The following HS6ST3 variants were observed in gnomAD, a reference collection of about 807,000 sequenced individuals.
HS6ST3 encodes the protein heparan-sulfate 6-O-sulfotransferase 3.
In HS6ST3, 12 loss-of-function variants were observed where a neutral mutation model predicts 36.7. That is an observed-to-expected ratio of 0.33 (90% confidence interval 0.21 to 0.53). The LOEUF (loss-of-function observed/expected upper bound fraction) is 0.53, where lower values mean the gene tolerates loss of function less well. Ranked by LOEUF, HS6ST3 falls within the 20% of genes least tolerant of loss-of-function variation. The probability of loss-of-function intolerance (pLI) is 0.95; values close to 1 mark genes in which losing one functional copy is unlikely to be tolerated. For synonymous variants in HS6ST3, 240 were observed against 257.5 expected (o/e 0.93, Z 0.65); for missense variants, 584 against 640.9 (o/e 0.91, Z 0.96).
chr13:96,586,099 T>G (rs1419050600), intron 1 of HS6ST3, among the ~76,000 whole-genome samples: 1 of 152,220 alleles, frequency 6.6e-6, no homozygotes, highest in Non-Finnish European at 1.5e-5. Flanking sequence ...TTTGTCTTTT[T>G]GATAACAGTC....
chr13:96,511,725 T>C (rs1174745411), intron 1 of HS6ST3, among the ~76,000 whole-genome samples: 1 of 152,072 alleles, frequency 6.6e-6, no homozygotes, highest in East Asian at 1.9e-4. Context: ...CAGAATTTTT[T>C]AATTTAATCA....
At chr13:96,627,319 A>G (rs549068117) in intron 1 of HS6ST3, among the ~76,000 whole-genome samples, 9 of 152,150 alleles carry the variant, frequency 5.9e-5, no homozygotes, top group African/African-American at 2.2e-4. Context: ...TTTTGAAATG[A>G]TAAGTTAGAG....
At chr13:96,644,938 G>A (rs78221950) in intron 1 of HS6ST3, among the ~76,000 whole-genome samples, 1,851 of 151,988 alleles carry the variant, frequency 0.012, 32 homozygotes, top group African/African-American at 0.042. Flanking sequence ...TTTTTCTTAG[G>A]TGGGAGAAAT....
chr13:96,634,766 C>G (rs1438809934), intron 1 of HS6ST3, among the ~76,000 whole-genome samples: 7 of 152,256 alleles, frequency 4.6e-5, no homozygotes, highest in African/African-American at 1.7e-4. Flanking sequence ...TGCTTCCCAC[C>G]ACCCACTAAA....
intron 1 of HS6ST3, among the ~76,000 whole-genome samples, chr13:96,451,399 A>G (rs1715442720): frequency 6.6e-6 from 1 of 152,188 alleles, no homozygotes; most frequent in Non-Finnish European, 1.5e-5. Context: ...CATGTTATCC[A>G]ATCTTGAGTG....
intron 1 of HS6ST3, among the ~76,000 whole-genome samples, chr13:96,769,354 G>A (rs1354267185): frequency 6.6e-6 from 1 of 151,462 alleles, no homozygotes; most frequent in Non-Finnish European, 1.5e-5. Flanking sequence ...GTGCAGGTTG[G>A]TTACATATGT....
chr13:96,513,177 C>A (rs902909395), intron 1 of HS6ST3, among the ~76,000 whole-genome samples: 4 of 152,090 alleles, frequency 2.6e-5, no homozygotes, highest in Non-Finnish European at 4.4e-5. Context: ...TCCCCCTCCC[C>A]CCTTTACTGG....
intron 1 of HS6ST3, among the ~76,000 whole-genome samples, chr13:96,104,814 C>T (rs1329746309): frequency 6.6e-6 from 1 of 152,174 alleles, no homozygotes; most frequent in Non-Finnish European, 1.5e-5. Context: ...TGACTGACCC[C>T]TGTGCTTCCC....
At chr13:96,464,029 T>G (rs1159315785) in intron 1 of HS6ST3, among the ~76,000 whole-genome samples, 3 of 139,426 alleles carry the variant, frequency 2.2e-5, no homozygotes, top group Middle Eastern at 3.7e-3. Context: ...GTTTTTTTTT[T>G]TTTTTTTTTT....
At chr13:96,443,487 G>T (rs938607331) in intron 1 of HS6ST3, among the ~76,000 whole-genome samples, 4 of 131,924 alleles carry the variant, frequency 3.0e-5, no homozygotes, top group Non-Finnish European at 6.1e-5. Flanking sequence ...CCGAGATCAC[G>T]CCACTGCACT....
intron 1 of HS6ST3, among the ~76,000 whole-genome samples, chr13:96,643,577 C>T (rs2056577894): frequency 6.6e-6 from 1 of 151,760 alleles, no homozygotes; most frequent in African/African-American, 2.4e-5. Flanking sequence ...TGTGTGTGCA[C>T]AAAAAGGCTT....
chr13:96,656,096 A>G (rs989409184), intron 1 of HS6ST3, among the ~76,000 whole-genome samples: 17 of 152,166 alleles, frequency 1.1e-4, no homozygotes, highest in Non-Finnish European at 1.5e-5. Flanking sequence ...GCCTTTGTTC[A>G]TCACCTAAGA....
chr13:96,797,421 A>G (rs371827063), intron 1 of HS6ST3, among the ~76,000 whole-genome samples: 1 of 152,030 alleles, frequency 6.6e-6, no homozygotes, highest in Non-Finnish European at 1.5e-5. Flanking sequence ...GAAAGAATAA[A>G]CAATTTGGTT....
At chr13:96,546,728 G>A (rs980338484) in intron 1 of HS6ST3, among the ~76,000 whole-genome samples, 26 of 152,278 alleles carry the variant, frequency 1.7e-4, no homozygotes, top group African/African-American at 5.5e-4. Flanking sequence ...TAATGTAAGA[G>A]CGCAAGACAG....
intron 1 of HS6ST3, among the ~76,000 whole-genome samples, chr13:96,638,491 T>A (rs976729866): frequency 2.6e-5 from 4 of 152,036 alleles, no homozygotes; most frequent in African/African-American, 9.7e-5. Context: ...TCTTGAAATA[T>A]AGTTCCCATA....
At chr13:96,691,645 TTCC>T (rs1874962489) in intron 1 of HS6ST3, among the ~76,000 whole-genome samples, 1 of 151,610 alleles carries the variant, frequency 6.6e-6, no homozygotes, top group Non-Finnish European at 1.5e-5. Flanking sequence ...TTCCCTTCCC[TTCC>T]TTTCCCTCTT....
At chr13:96,813,856 ACT>A (rs1469672633) in intron 1 of HS6ST3, among the ~76,000 whole-genome samples, 1 of 152,158 alleles carries the variant, frequency 6.6e-6, no homozygotes, top group East Asian at 1.9e-4. Context: ...AACGGATTCT[ACT>A]CTCTTACATT....
At chr13:96,323,722 G>C (rs573683979) in intron 1 of HS6ST3, among the ~76,000 whole-genome samples, 6 of 152,182 alleles carry the variant, frequency 3.9e-5, no homozygotes, top group African/African-American at 1.4e-4. Flanking sequence ...GTTGCAATCT[G>C]CTGCCTTCTG....
chr13:96,721,304 G>C (rs898439101), intron 1 of HS6ST3, among the ~76,000 whole-genome samples: 1 of 152,138 alleles, frequency 6.6e-6, no homozygotes, highest in Non-Finnish European at 1.5e-5. Flanking sequence ...CCAGTGATTT[G>C]TGTTTCACTT....
Sources: allele counts gnomAD v4.1 joint callset (sites outside exome capture counted in the v4.1 genomes callset), GRCh38; gene constraint gnomAD v4.1.1; transcripts MANE v1.5; gene names NCBI Gene and HGNC (gene_info 2026-07-23, HGNC 2026-07-21).